The following NRXN3 variants were observed in gnomAD, a reference collection of about 807,000 sequenced individuals.
NRXN3 encodes the protein neurexin III.
A neutral mutation model predicts 137.6 loss-of-function variants in NRXN3; 32 were observed. The ratio of observed to expected loss-of-function variants is 0.23; its 90% CI spans 0.18 to 0.31. The LOEUF is 0.31. Among genes scored for constraint, NRXN3 ranks in the 10% least tolerant of loss-of-function variants. The pLI is 1.00. For synonymous variants in NRXN3, 798 were observed against 784.5 expected, an observed-to-expected ratio of 1.02 and a Z score of -0.29; for missense variants, 1,574 against 2,062.5, an observed-to-expected ratio of 0.76 and a Z score of 4.59.
At chr14:79,856,797 G>A (rs2099403592) in intron 20 of NRXN3, among the ~76,000 whole-genome samples, 1 of 151,762 alleles carries the variant, frequency 6.6e-6, no homozygotes, top group Admixed American at 6.6e-5. Flanking sequence ...CACTCATAAA[G>A]CAAAAAAGCC....
intron 15 of NRXN3, among the ~76,000 whole-genome samples, chr14:79,445,801 G>C (rs2096054780): frequency 6.6e-6 from 1 of 152,136 alleles, no homozygotes; most frequent in South Asian, 2.1e-4. Context: ...AAGTAAGAAA[G>C]GTTGGCAAGG....
At chr14:78,674,132 C>A (rs2097970450) in intron 6 of NRXN3, among the ~76,000 whole-genome samples, 1 of 152,174 alleles carries the variant, frequency 6.6e-6, no homozygotes, top group African/African-American at 2.4e-5. Flanking sequence ...TGCCTCCTGT[C>A]CCTGTCAGGA....
At chr14:78,295,521 AT>A (rs2076224071) in intron 3 of NRXN3, among the ~76,000 whole-genome samples, 1 of 152,184 alleles carries the variant, frequency 6.6e-6, no homozygotes, top group South Asian at 2.1e-4. Flanking sequence ...GTTCTATTAA[AT>A]ATCCAATTCC....
chr14:79,516,077 C>G (rs924631905), intron 16 of NRXN3, among the ~76,000 whole-genome samples: 2 of 152,192 alleles, frequency 1.3e-5, no homozygotes, highest in African/African-American at 4.8e-5. Flanking sequence ...TGCCTTAGGA[C>G]TCCAGTGAGC....
chr14:78,353,823 TAAAAC>T (rs774120699), intron 4 of NRXN3, among the ~76,000 whole-genome samples: 15 of 152,092 alleles, frequency 9.9e-5, no homozygotes, highest in Non-Finnish European at 1.3e-4. Context: ...GGGGATAAAA[TAAAAC>T]TACAGTCCTG....
chr14:78,380,599 G>T (rs959724096), intron 4 of NRXN3, among the ~76,000 whole-genome samples: 2 of 152,118 alleles, frequency 1.3e-5, no homozygotes, highest in African/African-American at 2.4e-5. Flanking sequence ...GAGGAATTAA[G>T]AAAAGATTCT....
At chr14:78,421,598 T>C (rs190109738) in intron 4 of NRXN3, among the ~76,000 whole-genome samples, 173 of 152,342 alleles carry the variant, frequency 1.1e-3, no homozygotes, top group Middle Eastern at 3.4e-3. Flanking sequence ...TCCATCTCTC[T>C]TTCCCTAGCA....
At chr14:78,604,399 G>A (rs1054967133) in intron 4 of NRXN3, among the ~76,000 whole-genome samples, 3 of 151,450 alleles carry the variant, frequency 2.0e-5, no homozygotes, top group African/African-American at 7.3e-5. Context: ...AAATACTTAC[G>A]GTATCATTGT....
chr14:79,383,885 G>C (rs1055061588), intron 15 of NRXN3, among the ~76,000 whole-genome samples: 1 of 152,166 alleles, frequency 6.6e-6, no homozygotes, highest in African/African-American at 2.4e-5. Flanking sequence ...TTGGATAGGA[G>C]TATTCCCCTC....
At chr14:79,592,959 A>G (rs2097821081) in intron 16 of NRXN3, among the ~76,000 whole-genome samples, 1 of 152,228 alleles carries the variant, frequency 6.6e-6, no homozygotes, top group Non-Finnish European at 1.5e-5. Context: ...TATTTGAAAA[A>G]TAAGCCATCA....
rs145344544 is a variant in NRXN3 at position 78,262,454 on chromosome 14, G to A, written c.710-16191G>A. 9.2e-5 allele frequency among the ~76,000 whole-genome samples: 14 copies of A among 152,206 alleles called. No homozygotes were observed. In the East Asian group the frequency reaches 2.7e-3, roughly 29 times the overall value. Reference sequence around the variant, plus strand: ...TAAAGGAAGCTCTGTTGTGGGAGAAGGGTAAAAATGAAGGGCTGCTGGGAC... The same window carrying A: ...TAAAGGAAGCTCTGTTGTGGGAGAAAGGTAAAAATGAAGGGCTGCTGGGAC... On this transcript the variant is annotated intron_variant, in intron 2 of 20. Coordinates refer to ENST00000335750, the MANE Select transcript of NRXN3 (RefSeq NM_001330195.2).
At chr14:79,802,045 A>G (rs1035255190) in intron 19 of NRXN3, among the ~76,000 whole-genome samples, 7 of 124,496 alleles carry the variant, frequency 5.6e-5, no homozygotes, top group East Asian at 4.1e-4. Flanking sequence ...CCTTTTTCTG[A>G]AAAAAAAAAA....
At chr14:78,981,334 C>G (rs750123588) in intron 14 of NRXN3, among the ~76,000 whole-genome samples, 31 of 152,156 alleles carry the variant, frequency 2.0e-4, no homozygotes, top group Non-Finnish European at 4.1e-4. Context: ...TCCAATGACA[C>G]CACACATGCA....
At chr14:78,609,892 T>G (rs1280880386) in intron 4 of NRXN3, among the ~76,000 whole-genome samples, 7 of 152,244 alleles carry the variant, frequency 4.6e-5, no homozygotes, top group Admixed American at 1.3e-4. Context: ...TTCAGGGATC[T>G]TGGAAAACGT....
chr14:78,707,688 C>A (rs2098367305), intron 6 of NRXN3, among the ~76,000 whole-genome samples: 1 of 152,142 alleles, frequency 6.6e-6, no homozygotes, highest in South Asian at 2.1e-4. Context: ...TATTTGTAGT[C>A]TTTTATTCCT....
chr14:78,756,898 T>G (rs1009324583), intron 8 of NRXN3, among the ~76,000 whole-genome samples: 3 of 152,218 alleles, frequency 2.0e-5, no homozygotes, highest in Non-Finnish European at 4.4e-5. Context: ...GGTTATTAGA[T>G]TTGGTTGAAG....
intron 4 of NRXN3, among the ~76,000 whole-genome samples, chr14:78,473,718 A>T (rs2095326729): frequency 6.6e-6 from 1 of 152,226 alleles, no homozygotes; most frequent in Admixed American, 6.5e-5. Flanking sequence ...AGTAAAGATG[A>T]TAGCAAGGGC....
At position 79,094,977 on chromosome 14, in the gene NRXN3, A is replaced by AGTGTGT. The variant is rs1409965478; in HGVS notation, c.3262+106837_3262+106838insTGTGTG. Among the ~76,000 whole-genome samples the AGTGTGT allele has an allele frequency of 5.1e-3, 504 of 99,560 alleles. 1 individual carries two copies. The highest frequency in any genetic ancestry group is 0.013 in the African/African-American group (393 of 30,908). 65.3% of individuals were successfully genotyped at this position (99,560 alleles called of 152,430 possible). A position where few individuals can be genotyped will look rare whatever the true frequency, so the allele number is the denominator to read the frequency against. ...GAGAGAGAGAGAGAGAGAGAGAGAGAGAGTGTGTGTGTGTGTGTGTGTGTG... is the reference window on the plus strand; with the variant it reads ...GAGAGAGAGAGAGAGAGAGAGAGAGAGTGTGTGAGTGTGTGTGTGTGTGTGTGTGTG... On this transcript the variant is annotated intron_variant, in intron 15 of 20. Coordinates refer to ENST00000335750, the MANE Select transcript of NRXN3 (RefSeq NM_001330195.2).
chr14:78,179,649 C>T (rs779171754), intron 1 of NRXN3, among the ~76,000 whole-genome samples: 6 of 152,068 alleles, frequency 3.9e-5, no homozygotes, highest in Non-Finnish European at 7.4e-5. Flanking sequence ...CAGGAGGCAC[C>T]TTTCCTACTT....
Sources: allele counts gnomAD v4.1 joint callset (sites outside exome capture counted in the v4.1 genomes callset), GRCh38; gene constraint gnomAD v4.1.1; transcripts MANE v1.5; gene names NCBI Gene and HGNC (gene_info 2026-07-23, HGNC 2026-07-21).